The following PCSK6 variants were observed in gnomAD, a reference collection of about 807,000 sequenced individuals.
PCSK6 encodes the protein paired basic amino acid cleaving enzyme 4.
A neutral mutation model predicts 123.3 loss-of-function variants in PCSK6; 85 were observed. The ratio of observed to expected loss-of-function variants is 0.69; its 90% CI spans 0.58 to 0.83. The LOEUF (loss-of-function observed/expected upper bound fraction) is 0.83, where lower values mean the gene tolerates loss of function less well. Among genes scored for constraint, PCSK6 ranks in the 40% least tolerant of loss-of-function variants. The probability of loss-of-function intolerance (pLI) is 0.00; values close to 1 mark genes in which losing one functional copy is unlikely to be tolerated. For missense variants in PCSK6, 1,191 were observed against 1,282.3 expected, an observed-to-expected ratio of 0.93 and a Z score of 1.09; for synonymous variants, 508 against 516.0, an observed-to-expected ratio of 0.98 and a Z score of 0.21.
At chr15:101,351,157 A>G (rs11632987) in intron 13 of PCSK6, among the ~76,000 whole-genome samples, 75,813 of 151,620 alleles carry the variant, frequency 0.5, 20,647 homozygotes, top group African/African-American at 0.73. Flanking sequence ...CGTCACGTGA[A>G]AAGCTTGAAA....
intron 2 of PCSK6, among the ~76,000 whole-genome samples, chr15:101,439,005 C>T (rs562507614): frequency 8.5e-5 from 13 of 152,276 alleles, no homozygotes; most frequent in East Asian, 7.7e-4. Context: ...CAGTGGTGGC[C>T]GTATTTCAGA....
intron 1 of PCSK6, among the ~76,000 whole-genome samples, chr15:101,468,521 T>C (rs766541330): frequency 1.3e-5 from 2 of 152,182 alleles, no homozygotes; most frequent in African/African-American, 2.4e-5. Flanking sequence ...TTAAATAAAA[T>C]CACAGAAATC....
intron 1 of PCSK6, among the ~76,000 whole-genome samples, chr15:101,445,250 A>G (rs2056857595): frequency 6.6e-6 from 1 of 152,094 alleles, no homozygotes; most frequent in Non-Finnish European, 1.5e-5. Context: ...GGGATGCTTT[A>G]GCTTTTGGCC....
At chr15:101,482,096 A>AG (rs1263504009) in intron 1 of PCSK6, among the ~76,000 whole-genome samples, 1 of 152,274 alleles carries the variant, frequency 6.6e-6, no homozygotes, top group Non-Finnish European at 1.5e-5. Flanking sequence ...TTCTGGCAGA[A>AG]GCCGAAAGGC....
intron 13 of PCSK6, among the ~76,000 whole-genome samples, chr15:101,336,356 C>G (rs537025373): frequency 6.6e-6 from 1 of 152,318 alleles, no homozygotes; most frequent in African/African-American, 2.4e-5. Flanking sequence ...TTAAGGGAAA[C>G]CTACTGCACA....
chr15:101,338,761 T>G (rs781263010), intron 13 of PCSK6, among the ~76,000 whole-genome samples: 10 of 152,228 alleles, frequency 6.6e-5, no homozygotes, highest in Non-Finnish European at 1.2e-4. Context: ...ATCAGATTCC[T>G]GAGCCTGTAG....
chr15:101,319,181 C>G (rs1192047721), intron 18 of PCSK6, among the ~76,000 whole-genome samples: 2 of 152,218 alleles, frequency 1.3e-5, no homozygotes, highest in Non-Finnish European at 2.9e-5. Context: ...ACTCAATGAG[C>G]TAATACCCAT....
At chr15:101,431,570 A>C in intron 3 of PCSK6, 107 bp from the exon 4 acceptor site, 1 of 1,346,016 alleles carries the variant, frequency 7.4e-7, no homozygotes, top group Non-Finnish European at 1.0e-6. Flanking sequence ...CAAGTAAAAA[A>C]GGAGGGAACA....
At chr15:101,356,505 CAAAAAAAA>C (rs34350017) in intron 13 of PCSK6, among the ~76,000 whole-genome samples, 2 of 86,248 alleles carry the variant, frequency 2.3e-5, no homozygotes, top group African/African-American at 4.4e-5. Context: ...ACTAAAACTA[CAAAAAAAA>C]AAAAAAAAAA....
Position 101,318,045 on chromosome 15 carries a change from T to A in PCSK6, c.2569+274A>T, listed in dbSNP as rs376011270. 7.4e-4 allele frequency among the ~76,000 whole-genome samples: 112 copies of A among 152,334 alleles called. 1 individual carries two copies. In the South Asian group the frequency reaches 9.1e-3, roughly 12 times the overall value. ...TTTTAAGTACACAGTTCAGCAGCAT[T>A]AAGTACATTCACACTGTTATGTAAC... On this transcript the variant is annotated intron_variant, in intron 19 of 21. Coordinates refer to ENST00000611716, the MANE Select transcript of PCSK6 (RefSeq NM_002570.5).
At chr15:101,360,327 CAG>C (rs2041174551) in intron 13 of PCSK6, among the ~76,000 whole-genome samples, 2 of 152,214 alleles carry the variant, frequency 1.3e-5, no homozygotes. Flanking sequence ...TAAAATCTCT[CAG>C]TGACTTCCAA....
At chr15:101,405,506 A>T (rs955034495) in intron 6 of PCSK6, among the ~76,000 whole-genome samples, 2 of 152,128 alleles carry the variant, frequency 1.3e-5, no homozygotes, top group African/African-American at 4.8e-5. Flanking sequence ...ATGGGAACCA[A>T]TCCCCCCACT....
intron 11 of PCSK6, among the ~76,000 whole-genome samples, chr15:101,374,914 T>C (rs2041688740): frequency 6.6e-6 from 1 of 152,166 alleles, no homozygotes; most frequent in Non-Finnish European, 1.5e-5. Flanking sequence ...GGCTTCCTTA[T>C]TCATATGAGT....
intron 2 of PCSK6, among the ~76,000 whole-genome samples, chr15:101,433,464 G>A (rs1053937831): frequency 3.3e-5 from 5 of 152,224 alleles, no homozygotes; most frequent in Admixed American, 6.5e-5. Flanking sequence ...GCCTGGCTCT[G>A]GGGCCTGACA....
chr15:101,407,986 A>C (rs2042828959), intron 6 of PCSK6, among the ~76,000 whole-genome samples: 2 of 152,256 alleles, frequency 1.3e-5, no homozygotes, highest in South Asian at 4.1e-4. Context: ...GAGGTTTGAC[A>C]TCGAGGCTGA....
chr15:101,336,514 G>C (rs2040481603), intron 13 of PCSK6, among the ~76,000 whole-genome samples: 1 of 152,180 alleles, frequency 6.6e-6, no homozygotes, highest in Admixed American at 6.5e-5. Context: ...ACTCAGAAAG[G>C]TTAACGTCGC....
At chr15:101,381,854 G>A (rs7173900) in intron 11 of PCSK6, among the ~76,000 whole-genome samples, 152,391 of 152,396 alleles carry the variant, frequency 1, 76,193 homozygotes, top group Middle Eastern at 1. Flanking sequence ...ATCCCCTATC[G>A]TGGAGCAATC....
chr15:101,334,513 G>C (rs2040434113), intron 13 of PCSK6: 2 of 152,352 alleles, frequency 1.3e-5, no homozygotes, highest in South Asian at 4.1e-4. Context: ...AAACAAGCCT[G>C]GTGAGGAACC....
At chr15:101,381,051 C>T (rs2041897704) in intron 11 of PCSK6, among the ~76,000 whole-genome samples, 1 of 150,858 alleles carries the variant, frequency 6.6e-6, no homozygotes, top group African/African-American at 2.4e-5. Context: ...TACTTTATGG[C>T]TGCTTTTTTT....
Sources: gnomAD v4.1 joint callset for allele counts (sites outside exome capture counted in the v4.1 genomes callset) on GRCh38, gnomAD v4.1.1 for gene constraint, MANE v1.5 for transcripts, NCBI Gene and HGNC (gene_info 2026-07-23, HGNC 2026-07-21) for gene names.